GRIA2: variants seen among roughly 807,000 people sequenced by gnomAD.
The protein encoded by GRIA2 is glutamate ionotropic receptor AMPA type subunit 2.
Under a neutral mutation model 97.3 loss-of-function variants are expected in GRIA2, and 14 were observed. The ratio of observed to expected loss-of-function variants is 0.14; its 90% confidence interval spans 0.10 to 0.23. The LOEUF is 0.23. Among genes scored for constraint, GRIA2 ranks in the 10% least tolerant of loss-of-function variants. The pLI, the probability that GRIA2 is intolerant of heterozygous loss-of-function variation, is 1.00. For missense variants in GRIA2, 558 were observed against 1,069.8 expected (o/e 0.52, Z 6.67); for synonymous variants, 412 against 387.8 (o/e 1.06, Z -0.73).
intron 2 of GRIA2, among the ~76,000 whole-genome samples, chr4:157,228,653 C>G (rs1411833027): frequency 6.6e-6 from 1 of 151,822 alleles, no homozygotes; most frequent in Admixed American, 6.6e-5. Flanking sequence ...AGTAGCCAGG[C>G]GTGGTGGCAC....
chr4:157,329,736 C>T (rs1579368592), intron 6 of GRIA2, among the ~76,000 whole-genome samples: 3 of 151,990 alleles, frequency 2.0e-5, no homozygotes, highest in South Asian at 4.1e-4. Flanking sequence ...TATTTTACAA[C>T]TCATCAAGCT....
intron 2 of GRIA2, among the ~76,000 whole-genome samples, chr4:157,294,573 A>T (rs1733256820): frequency 6.6e-6 from 1 of 152,150 alleles, no homozygotes; most frequent in African/African-American, 2.4e-5. Context: ...ACAGAGAATG[A>T]TATTATTTAA....
chr4:157,345,377 A>G (rs189145094), intron 12 of GRIA2, among the ~76,000 whole-genome samples: 1 of 152,108 alleles, frequency 6.6e-6, no homozygotes, highest in Admixed American at 6.6e-5. Context: ...ATCCTTGTAC[A>G]GAGTGAATGA....
chr4:157,322,240 AGAGTGT>A (rs767045119), intron 6 of GRIA2, among the ~76,000 whole-genome samples: 166 of 120,544 alleles, frequency 1.4e-3, no homozygotes, highest in East Asian at 2.2e-3. Context: ...AGAGAGAGAG[AGAGTGT>A]GTGTGTGTGT....
intron 14 of GRIA2, among the ~76,000 whole-genome samples, 167 bp from the exon 15 acceptor site, chr4:157,362,632 G>A (rs749209445): frequency 6.6e-6 from 1 of 152,038 alleles, no homozygotes; most frequent in Non-Finnish European, 1.5e-5. Context: ...TTGTTTCATG[G>A]TAGCTGTTAT....
intron 2 of GRIA2, among the ~76,000 whole-genome samples, chr4:157,300,263 C>T (rs1733557486): frequency 6.6e-6 from 1 of 151,934 alleles, no homozygotes; most frequent in African/African-American, 2.4e-5. Context: ...TGAAAGGTGT[C>T]AGTAGGTTAT....
At chr4:157,326,784 G>A in intron 6 of GRIA2, among the ~76,000 whole-genome samples, 1 of 152,164 alleles carries the variant, frequency 6.6e-6, no homozygotes, top group Non-Finnish European at 1.5e-5. Flanking sequence ...GTATGATCCA[G>A]AAGTTTTATG....
chr4:157,301,376 A>G (rs1006700802), intron 2 of GRIA2, among the ~76,000 whole-genome samples: 2 of 152,248 alleles, frequency 1.3e-5, no homozygotes, highest in Non-Finnish European at 2.9e-5. Context: ...TGAATAAAAG[A>G]CAGTTATTTC....
intron 3 of GRIA2, among the ~76,000 whole-genome samples, chr4:157,307,012 T>G (rs549382923): frequency 3.6e-4 from 55 of 152,300 alleles, no homozygotes; most frequent in South Asian, 2.1e-4. Flanking sequence ...CTGTTCTTGA[T>G]GGGCTGTCTC....
chr4:157,339,320 G>C (rs1735445609), intron 11 of GRIA2, among the ~76,000 whole-genome samples: 1 of 151,932 alleles, frequency 6.6e-6, no homozygotes, highest in African/African-American at 2.4e-5. Flanking sequence ...CTTTAGTGCT[G>C]ATGCTGATGG....
At chr4:157,340,486 T>C (rs1346558807) in intron 11 of GRIA2, among the ~76,000 whole-genome samples, 2 of 152,000 alleles carry the variant, frequency 1.3e-5, no homozygotes, top group East Asian at 3.9e-4. Context: ...GAATTTGTAG[T>C]CAGAAAAATA....
chr4:157,349,444 C>T (rs1298246185), intron 12 of GRIA2, among the ~76,000 whole-genome samples: 1 of 149,246 alleles, frequency 6.7e-6, no homozygotes, highest in African/African-American at 2.5e-5. Flanking sequence ...TTCCTTCCTC[C>T]CTCCTTCCCC....
chr4:157,221,764 C>G lies in GRIA2; in HGVS notation c.186C>G (p.Ile62Met). Residue 62 changes from isoleucine (I) to methionine (M), a missense_variant, in exon 2 of 16, where the codon ATC (isoleucine) becomes ATG (methionine). Ile to Met is a conservative substitution (Grantham distance 10). This residue lies in a region of GRIA2 where 96 missense variants were observed against 176.6 expected (regional missense o/e 0.54). Transcript: ENST00000264426. Reference protein sequence around the residue: ...STSEFRLTPHIDNLEVANSFA... With the variant: ...STSEFRLTPHMDNLEVANSFA... ...CGGAGTTCAGACTGACACCCCACAT[C>G]GACAATTTGGAGGTGGCAAACAGCT... 1 of 1,613,816 alleles carries G rather than the reference C, an allele frequency of 6.2e-7. No homozygotes were observed. Among genetic ancestry groups the G allele is most frequent in the South Asian group, 1.1e-5 (1 of 91,078 alleles).
At chr4:157,345,251 T>C (rs551644746) in intron 12 of GRIA2, among the ~76,000 whole-genome samples, 2 of 152,072 alleles carry the variant, frequency 1.3e-5, no homozygotes, top group South Asian at 2.1e-4. Context: ...ATATTTACTT[T>C]GTTTTGCTTG....
chr4:157,235,522 T>A (rs1217237470), intron 2 of GRIA2, among the ~76,000 whole-genome samples: 1 of 152,000 alleles, frequency 6.6e-6, no homozygotes, highest in African/African-American at 2.4e-5. Flanking sequence ...GAAATGGTAA[T>A]TCAAAAAATT....
intron 2 of GRIA2, among the ~76,000 whole-genome samples, chr4:157,235,848 A>C (rs1315773723): frequency 6.6e-6 from 1 of 152,080 alleles, no homozygotes; most frequent in Non-Finnish European, 1.5e-5. Context: ...CTAATTAATT[A>C]TAATAAATAC....
chr4:157,257,837 A>T (rs1478837081), intron 2 of GRIA2, among the ~76,000 whole-genome samples: 1 of 152,122 alleles, frequency 6.6e-6, no homozygotes, highest in Non-Finnish European at 1.5e-5. Flanking sequence ...GGGACCCTGA[A>T]TGGAGGGACC....
At position 157,337,267 on chromosome 4, in the gene GRIA2, G is replaced by A. The variant is rs137966549; in HGVS notation, c.1844+520G>A. ...GTGAGGTTGCTGGATTAATATAATA[G>A]CATATTTTCAACTACCCACAAATGC... is the stretch of plus-strand genomic sequence containing the variant. On this transcript the variant is annotated intron_variant, in intron 11 of 15. Coordinates refer to ENST00000264426, the MANE Select transcript of GRIA2 (RefSeq NM_001083619.3). 7.8e-3 allele frequency among the ~76,000 whole-genome samples: 1,177 copies of A among 151,776 alleles called. 19 individuals are homozygous for A. Among genetic ancestry groups the A allele is most frequent in the South Asian group, 0.064 (306 of 4,790 alleles).
intron 6 of GRIA2, 52 bp from the exon 7 acceptor site, chr4:157,332,767 T>G (rs200712576): frequency 3.6e-6 from 5 of 1,397,852 alleles, no homozygotes; most frequent in Non-Finnish European, 4.0e-6. Flanking sequence ...TGGGGTGCAG[T>G]GAGTTTCTGA....
Sources: allele counts gnomAD v4.1 joint callset (sites outside exome capture counted in the v4.1 genomes callset), GRCh38; gene constraint gnomAD v4.1.1; regional missense constraint gnomAD v4.1.1; transcripts MANE v1.5; gene names NCBI Gene and HGNC (gene_info 2026-07-23, HGNC 2026-07-21).